Variants in CTNND1 observed in about 807,000 individuals in gnomAD.
CTNND1 encodes catenin delta 1.
In CTNND1, 16 loss-of-function variants were observed where a neutral mutation model predicts 112.1. The observed-to-expected ratio is 0.14, with a 90% CI of 0.10 to 0.22. The LOEUF (loss-of-function observed/expected upper bound fraction) is 0.22, where lower values mean the gene tolerates loss of function less well. Among genes scored for constraint, CTNND1 ranks in the 10% least tolerant of loss-of-function variants. The pLI is 1.00. For synonymous variants in CTNND1, 420 were observed against 446.5 expected (o/e 0.94, Z 0.75); for missense variants, 1,008 against 1,257.0 (o/e 0.80, Z 3.00).
At chr11:57,815,094 A>C (rs1239825427) in intron 18 of CTNND1, among the ~76,000 whole-genome samples, 1 of 151,974 alleles carries the variant, frequency 6.6e-6, no homozygotes, top group Non-Finnish European at 1.5e-5. Context: ...CACCTGGCTT[A>C]TTCTTATATT....
chr11:57,811,647 T>G (rs1018373223), intron 17 of CTNND1, among the ~76,000 whole-genome samples, 161 bp downstream of exon 17: 5 of 152,242 alleles, frequency 3.3e-5, no homozygotes, highest in African/African-American at 1.2e-4. Context: ...GGGTAGGTCT[T>G]AAGCATTAGA....
At chr11:57,784,268 G>T (rs1324081787) in intron 1 of CTNND1, among the ~76,000 whole-genome samples, 1 of 151,278 alleles carries the variant, frequency 6.6e-6, no homozygotes, top group African/African-American at 2.4e-5. Flanking sequence ...GAATGGCTGG[G>T]CACAGTGGCT....
intron 1 of CTNND1, chr11:57,781,724 A>C (rs776722931): frequency 6.5e-6 from 1 of 152,694 alleles, no homozygotes; most frequent in Non-Finnish European, 1.5e-5. Context: ...GGAGAGGCAC[A>C]TGGATAATGG....
chr11:57,801,749 A>C lies in CTNND1; in HGVS notation c.973A>C (p.Ile325Leu). The C allele has an allele frequency of 2.5e-6, 4 of 1,612,380 alleles. No homozygotes were observed. Among genetic ancestry groups the C allele is most frequent in the African/African-American group, 1.3e-5 (1 of 74,946 alleles). ...RRRLRSYEDMIGEEVPSDQYY... is the reference protein window; with the variant it reads ...RRRLRSYEDMLGEEVPSDQYY... The stretch of plus-strand genomic sequence containing the variant: ...ACTTCTCAGGAGCTATGAAGACATG[A>C]TTGGTGAGGAGGTGCCATCGGATCA... Residue 325 changes from isoleucine (I) to leucine (L), a missense_variant, in exon 7 of 21, where the codon ATT becomes CTT. By Grantham distance (5) the Ile-to-Leu change is conservative. Around this residue, in one of 5 missense-constraint regions of CTNND1, gnomAD observed 404 missense variants for 457.9 expected, o/e 0.88. Coordinates refer to ENST00000399050, the MANE Select transcript of CTNND1 (RefSeq NM_001085458.2).
In CTNND1 at chr11:57,808,354, G is replaced by T. The variant is rs762745327; in HGVS notation, c.2092-36G>T. On this transcript the variant is annotated intron_variant, in intron 13 of 20. Transcript: ENST00000399050. Reference sequence around the variant, plus strand: ...TTAGATAACTAGTTTGCTGCCATTTGTAATTTGTTCCACCCCTTTCTATTT... The same window carrying T: ...TTAGATAACTAGTTTGCTGCCATTTTTAATTTGTTCCACCCCTTTCTATTT... 6 of 1,598,438 alleles carry T rather than the reference G, an allele frequency of 3.8e-6. No individual in the cohort carries two copies. In the South Asian group the frequency reaches 5.5e-5, roughly 15 times the overall value.
intron 1 of CTNND1, among the ~76,000 whole-genome samples, chr11:57,787,551 G>A (rs964935766): frequency 3.3e-5 from 5 of 152,210 alleles, no homozygotes; most frequent in Non-Finnish European, 5.9e-5. Context: ...CTCCTGGGAA[G>A]CAGCAATTTT....
In CTNND1 at chr11:57,817,919, T is replaced by TGGA. The variant is rs1445750969; in HGVS notation, c.*1613_*1615dup. On this transcript the variant is annotated 3_prime_UTR_variant, in exon 21 of 21. Transcript: ENST00000399050. ...ATCTAAAAGCTCTGTTCCATGCAACTGGAGTTCCTTATCCCTCTCTTCCCC... is the reference window on the plus strand; with the variant it reads ...ATCTAAAAGCTCTGTTCCATGCAACTGGAGGAGTTCCTTATCCCTCTCTTCCCC... 3.9e-5 allele frequency: 6 copies of TGGA among 152,616 alleles called. No homozygotes were observed. Among genetic ancestry groups the TGGA allele is most frequent in the African/African-American group, 1.4e-4 (6 of 41,422 alleles). The allele number at this position is 152,616 out of a possible 1,614,324, so 9.5% of individuals were successfully genotyped here.
At chr11:57,790,554 T>TG (rs1565319787) in intron 2 of CTNND1, among the ~76,000 whole-genome samples, 54 of 35,916 alleles carry the variant, frequency 1.5e-3, no homozygotes, top group African/African-American at 3.6e-3. Context: ...GTGTGTGTGT[T>TG]TTTTTTTTTT....
chr11:57,806,344 C>G, intron 10 of CTNND1, 117 bp from the exon 11 acceptor site: 1 of 1,040,244 alleles, frequency 9.6e-7, no homozygotes, highest in Non-Finnish European at 1.4e-6. Context: ...CTGTGTTTTT[C>G]TTTTCTTCTC....
chr11:57,816,347 T>C lies in CTNND1; in HGVS notation c.*39T>C, dbSNP rs539941825. 3.7e-6 allele frequency: 6 copies of C among 1,612,136 alleles called. No homozygotes were observed. The South Asian group carries it at 5.5e-5, about 15-fold the overall frequency. On this transcript the variant is annotated 3_prime_UTR_variant, in exon 21 of 21. Transcript: ENST00000399050. ...GTTCCATCTGGGCTTATATGTACTT[T>C]TATTTTTTGGTGGTGAAATTGACTG...
At chr11:57,776,188 C>T (rs1003555766) in intron 1 of CTNND1, among the ~76,000 whole-genome samples, 2 of 152,120 alleles carry the variant, frequency 1.3e-5, no homozygotes, top group Non-Finnish European at 2.9e-5. Flanking sequence ...TCCTACTGAC[C>T]AGTCAATTGT....
At chr11:57,780,842 T>G (rs927027555) in intron 1 of CTNND1, among the ~76,000 whole-genome samples, 1 of 152,236 alleles carries the variant, frequency 6.6e-6, no homozygotes, top group African/African-American at 2.4e-5. Context: ...CTGGCTCAAT[T>G]ACATGCTTCC....
At chr11:57,786,581 T>C (rs945716661) in intron 1 of CTNND1, among the ~76,000 whole-genome samples, 6 of 152,146 alleles carry the variant, frequency 3.9e-5, no homozygotes, top group Admixed American at 3.9e-4. Context: ...GGAAAGGCAT[T>C]GGGCTGGACT....
At chr11:57,769,470 G>A (rs748159145) in intron 1 of CTNND1, among the ~76,000 whole-genome samples, 8 of 152,034 alleles carry the variant, frequency 5.3e-5, no homozygotes, top group Non-Finnish European at 8.8e-5. Flanking sequence ...ATTTCTTTTG[G>A]CACTCTGTAG....
intron 17 of CTNND1, 128 bp downstream of exon 17, chr11:57,811,614 C>T (rs1290146145): frequency 1.5e-6 from 1 of 652,032 alleles, no homozygotes. Flanking sequence ...TAATTTTCCA[C>T]TCCAGGATCC....
At chr11:57,787,881 G>T (rs1228006995) in intron 1 of CTNND1, among the ~76,000 whole-genome samples, 3 of 152,242 alleles carry the variant, frequency 2.0e-5, no homozygotes, top group African/African-American at 7.2e-5. Flanking sequence ...ACTGCTTTCT[G>T]ACCTAGAGCC....
Position 57,789,044 on chromosome 11 carries a change from C to T in CTNND1, c.-206C>T. On this transcript the variant is annotated 5_prime_UTR_variant, in exon 2 of 21. Transcript: ENST00000399050. ...CTTCAAATATTTCTGCAGCTCTCTCCTTCCTGCTTCCTCCTTGCTGTGGTG... is the reference window on the plus strand; with the variant it reads ...CTTCAAATATTTCTGCAGCTCTCTCTTTCCTGCTTCCTCCTTGCTGTGGTG... 2 of 1,535,222 alleles carry T rather than the reference C, an allele frequency of 1.3e-6. No individual in the cohort carries two copies. Among genetic ancestry groups the T allele is most frequent in the Admixed American group, 3.9e-5 (2 of 50,998 alleles).
At chr11:57,765,231 G>A (rs1950763369) in intron 1 of CTNND1, among the ~76,000 whole-genome samples, 1 of 152,064 alleles carries the variant, frequency 6.6e-6, no homozygotes, top group South Asian at 2.1e-4. Context: ...TTGGGTGTAG[G>A]TACTGTCTTA....
intron 7 of CTNND1, 45 bp downstream of exon 7, chr11:57,802,241 C>G (rs998230521): frequency 6.0e-6 from 9 of 1,492,730 alleles, no homozygotes; most frequent in Non-Finnish European, 8.2e-6. Flanking sequence ...GTGTTACTCT[C>G]TAGTGATGTT....
Sources: gnomAD v4.1 joint callset for allele counts (sites outside exome capture counted in the v4.1 genomes callset) on GRCh38, gnomAD v4.1.1 for gene constraint, gnomAD v4.1.1 regional missense constraint, MANE v1.5 for transcripts, NCBI Gene and HGNC (gene_info 2026-07-23, HGNC 2026-07-21) for gene names.